Variants in TNIK observed in about 807,000 individuals in gnomAD.
TNIK encodes TRAF2 and NCK-interacting protein kinase.
Under a neutral mutation model 191.3 loss-of-function variants are expected in TNIK, and 49 were observed. That is an observed-to-expected ratio of 0.26 (90% CI 0.20 to 0.32). TNIK has a LOEUF of 0.32. Among genes scored for constraint, TNIK ranks in the 10% least tolerant of loss-of-function variants. The probability of loss-of-function intolerance (pLI) is 1.00; values close to 1 mark genes in which losing one functional copy is unlikely to be tolerated. For missense variants in TNIK, 1,155 were observed against 1,702.3 expected (o/e 0.68, Z 5.66); for synonymous variants, 594 against 600.9 (o/e 0.99, Z 0.17).
At chr3:171,127,588 C>A (rs2108577170) in intron 16 of TNIK, among the ~76,000 whole-genome samples, 1 of 152,172 alleles carries the variant, frequency 6.6e-6, no homozygotes, top group African/African-American at 2.4e-5. Flanking sequence ...GGCCAAAGTA[C>A]CTTCCAAGGT....
intron 2 of TNIK, among the ~76,000 whole-genome samples, chr3:171,343,792 AATGT>A (rs1711690919): frequency 6.6e-6 from 1 of 152,190 alleles, no homozygotes; most frequent in Non-Finnish European, 1.5e-5. Context: ...TCTCCAAATC[AATGT>A]ATCATCACAA....
In TNIK at chr3:171,071,250, T is replaced by C; in HGVS notation, c.3522A>G (p.Lys1174=). 1.2e-6 allele frequency: 2 copies of C among 1,606,606 alleles called. No individual in the cohort carries two copies. The highest frequency in any genetic ancestry group is 1.1e-5 in the South Asian group (1 of 89,274). ...NAVEIYAWAP[K]PYHKFMAFKS... is the part of the protein sequence containing the mutation. ...TAAATGCCATGAATTTATGATACGG[T>C]TTAGGAGCCCAAGCATATATTTCCA... Residue 1174 remains lysine, a synonymous_variant, in exon 29 of 33, where the codon AAA becomes AAG. Coordinates refer to ENST00000436636, the MANE Select transcript of TNIK (RefSeq NM_015028.4).
chr3:171,114,656 C>A (rs1726397351), intron 18 of TNIK, among the ~76,000 whole-genome samples: 1 of 151,962 alleles, frequency 6.6e-6, no homozygotes, highest in Non-Finnish European at 1.5e-5. Context: ...AAATGTAGAC[C>A]CTAATCATAT....
intron 7 of TNIK, among the ~76,000 whole-genome samples, chr3:171,181,121 C>G (rs762920206): frequency 1.2e-4 from 19 of 152,232 alleles, no homozygotes; most frequent in Non-Finnish European, 2.1e-4. Context: ...GGATTATGGG[C>G]ATGAGCCACT....
At chr3:171,222,553 G>T (rs551194585) in intron 3 of TNIK, among the ~76,000 whole-genome samples, 5 of 152,096 alleles carry the variant, frequency 3.3e-5, no homozygotes, top group Non-Finnish European at 7.4e-5. Context: ...TGGGATGAAA[G>T]AACCAAATGT....
At chr3:171,436,009 A>G (rs1725986669) in intron 1 of TNIK, among the ~76,000 whole-genome samples, 1 of 151,830 alleles carries the variant, frequency 6.6e-6, no homozygotes, top group African/African-American at 2.4e-5. Context: ...AAGACACAAC[A>G]CATGCAGACT....
At chr3:171,379,061 G>A (rs78925147) in intron 1 of TNIK, among the ~76,000 whole-genome samples, 4,855 of 152,232 alleles carry the variant, frequency 0.032, 230 homozygotes, top group African/African-American at 0.11. Context: ...TTAAGAAATC[G>A]ATTTCATTCA....
In TNIK at chr3:171,093,358, A is replaced by G. The variant is rs941778356; in HGVS notation, c.2721+481T>C. ...ATCTGCCTATTTCTTTGTTATTTCA[A>G]TAAAATAACTTAACGGTTGTTTTAA... On this transcript the variant is annotated intron_variant, in intron 23 of 32. Transcript: ENST00000436636. Among the ~76,000 whole-genome samples the G allele has an allele frequency of 6.6e-5, 10 of 152,328 alleles. No individual in the cohort carries two copies. In the East Asian group the frequency reaches 1.2e-3, roughly 18 times the overall value.
chr3:171,101,193 G>A (rs1163928563), intron 22 of TNIK, among the ~76,000 whole-genome samples: 3 of 152,054 alleles, frequency 2.0e-5, no homozygotes, highest in Admixed American at 6.6e-5. Context: ...AGAAAGAGTC[G>A]CCGAAAGGAT....
intron 15 of TNIK, among the ~76,000 whole-genome samples, chr3:171,132,336 T>C (rs977842793): frequency 3.3e-5 from 5 of 152,170 alleles, no homozygotes; most frequent in Admixed American, 6.5e-5. Context: ...TAAAATAACT[T>C]TGGAGAAGTT....
intron 2 of TNIK, among the ~76,000 whole-genome samples, chr3:171,268,166 C>G (rs1159746808): frequency 6.6e-6 from 1 of 152,150 alleles, no homozygotes; most frequent in Non-Finnish European, 1.5e-5. Context: ...TCTCATTGAC[C>G]AAACTTTTAG....
At chr3:171,121,952 C>CT in intron 18 of TNIK, among the ~76,000 whole-genome samples, 1 of 152,094 alleles carries the variant, frequency 6.6e-6, no homozygotes. Context: ...TTCCTCCCTT[C>CT]CTCTCTAAAT....
intron 1 of TNIK, among the ~76,000 whole-genome samples, chr3:171,376,467 G>A (rs1407260830): frequency 6.6e-6 from 1 of 152,180 alleles, no homozygotes; most frequent in East Asian, 1.9e-4. Flanking sequence ...GTTATACACT[G>A]TCCAAGGTAG....
chr3:171,367,221 C>T (rs1198748993), intron 2 of TNIK, among the ~76,000 whole-genome samples: 1 of 152,062 alleles, frequency 6.6e-6, no homozygotes, highest in Non-Finnish European at 1.5e-5. Context: ...ATCTATAGTG[C>T]AATCACTTTT....
intron 1 of TNIK, among the ~76,000 whole-genome samples, chr3:171,433,972 G>A (rs1240677847): frequency 1.9e-5 from 2 of 103,582 alleles, no homozygotes; most frequent in Non-Finnish European, 3.5e-5. Context: ...TTGAGACAGA[G>A]TCTCACTCTG....
At chr3:171,308,213 G>T (rs1230871058) in intron 2 of TNIK, among the ~76,000 whole-genome samples, 4 of 152,030 alleles carry the variant, frequency 2.6e-5, no homozygotes, top group Non-Finnish European at 5.9e-5. Context: ...CATGGTACTA[G>T]TACAAAAACA....
intron 20 of TNIK, 148 bp downstream of exon 20, chr3:171,107,917 G>A (rs1459085347): frequency 2.8e-6 from 2 of 720,880 alleles, no homozygotes; most frequent in Non-Finnish European, 4.4e-6. Flanking sequence ...TCCTAATCAG[G>A]TATGACTTTC....
intron 3 of TNIK, among the ~76,000 whole-genome samples, chr3:171,220,158 T>C (rs1007889009): frequency 2.0e-5 from 3 of 151,988 alleles, no homozygotes; most frequent in African/African-American, 7.2e-5. Flanking sequence ...AACCAAACAC[T>C]GCATGATCTC....
At chr3:171,252,018 A>G (rs940356563) in intron 2 of TNIK, among the ~76,000 whole-genome samples, 5 of 97,796 alleles carry the variant, frequency 5.1e-5, no homozygotes, top group East Asian at 2.3e-4. Context: ...AATACGTGCA[A>G]TTCTCTAAGG....
Sources: gnomAD v4.1 joint callset for allele counts (sites outside exome capture counted in the v4.1 genomes callset) on GRCh38, gnomAD v4.1.1 for gene constraint, MANE v1.5 for transcripts, NCBI Gene and HGNC (gene_info 2026-07-23, HGNC 2026-07-21) for gene names.